LAMA2: variants seen among roughly 807,000 people sequenced by gnomAD.
LAMA2 encodes laminin subunit alpha-2.
LAMA2 carries 269 observed loss-of-function variants against 364.8 expected under a neutral mutation model. The ratio of observed to expected loss-of-function variants is 0.74; its 90% CI spans 0.67 to 0.82. The LOEUF is 0.82. LAMA2 is among the 40% of genes least tolerant of loss of function. The pLI, the probability that LAMA2 is intolerant of heterozygous loss-of-function variation, is 0.00. For missense variants in LAMA2, 3,807 were observed against 3,873.2 expected (o/e 0.98, Z 0.45); for synonymous variants, 1,379 against 1,370.6 (o/e 1.01, Z -0.14).
intron 40 of LAMA2, among the ~76,000 whole-genome samples, chr6:129,407,836 G>T (rs1288302590): frequency 6.6e-6 from 1 of 152,142 alleles, no homozygotes; most frequent in African/African-American, 2.4e-5. Context: ...ATTAAGAGAT[G>T]CCCTATGGGA....
intron 1 of LAMA2, among the ~76,000 whole-genome samples, chr6:128,967,830 T>C (rs1781938163): frequency 6.6e-6 from 1 of 152,140 alleles, no homozygotes; most frequent in South Asian, 2.1e-4. Flanking sequence ...ATTATTTCTA[T>C]TACACCTCAG....
chr6:129,016,142 A>G (rs192689968), intron 1 of LAMA2, among the ~76,000 whole-genome samples: 143 of 152,240 alleles, frequency 9.4e-4, no homozygotes, highest in African/African-American at 3.3e-3. Flanking sequence ...CAAAGTTTAT[A>G]TTATCATGCA....
chr6:129,053,535 T>A (rs1788241883), intron 2 of LAMA2, among the ~76,000 whole-genome samples: 1 of 128,824 alleles, frequency 7.8e-6, no homozygotes, highest in Non-Finnish European at 1.6e-5. Context: ...GTAAATGGAG[T>A]CAAGGCAATA....
chr6:129,182,035 G>T (rs1024861284), intron 10 of LAMA2, among the ~76,000 whole-genome samples: 1 of 151,702 alleles, frequency 6.6e-6, no homozygotes, highest in African/African-American at 2.4e-5. Flanking sequence ...AGTTTCACTA[G>T]ATTATAGTCC....
At chr6:129,116,168 A>T (rs1776470241) in intron 4 of LAMA2, among the ~76,000 whole-genome samples, 1 of 152,148 alleles carries the variant, frequency 6.6e-6, no homozygotes, top group African/African-American at 2.4e-5. Flanking sequence ...ACAGGCTATG[A>T]AGTGTGCTAG....
intron 17 of LAMA2, 39 bp from the exon 18 acceptor site, chr6:129,280,019 CCTT>C: frequency 7.8e-7 from 1 of 1,281,502 alleles, no homozygotes; most frequent in Non-Finnish European, 1.1e-6. Context: ...TTGTGTATGT[CCTT>C]CTTCCTTGTC....
intron 55 of LAMA2, among the ~76,000 whole-genome samples, 176 bp from the exon 56 acceptor site, chr6:129,486,298 G>C (rs565144054): frequency 6.6e-6 from 1 of 152,268 alleles, no homozygotes; most frequent in Admixed American, 6.5e-5. Flanking sequence ...AAGCAAAAAT[G>C]GTAAATGATT....
chr6:129,088,689 C>A (rs1232260228), intron 3 of LAMA2, among the ~76,000 whole-genome samples: 2 of 149,592 alleles, frequency 1.3e-5, no homozygotes, highest in Non-Finnish European at 3.0e-5. Flanking sequence ...GGCTGCCGGG[C>A]GGAGGGGTTC....
intron 37 of LAMA2, among the ~76,000 whole-genome samples, chr6:129,397,145 A>C (rs139883940): frequency 1.3e-5 from 2 of 152,290 alleles, no homozygotes; most frequent in Non-Finnish European, 2.9e-5. Context: ...GGAATAAATA[A>C]AGATCTAATT....
chr6:129,240,850 A>G (rs1279042045), intron 12 of LAMA2, among the ~76,000 whole-genome samples: 1 of 152,220 alleles, frequency 6.6e-6, no homozygotes, highest in Non-Finnish European at 1.5e-5. Flanking sequence ...GTAATGCCAT[A>G]GAGTTGATTT....
In LAMA2 at chr6:129,436,141, G is replaced by C. The variant is rs542428452; in HGVS notation, c.5969-2505G>C. ...TGAAAAACAGAAATATATGCACACAGAAAGCAATTTAGCCAGCACAACCGG... is the reference window on the plus strand; with the variant it reads ...TGAAAAACAGAAATATATGCACACACAAAGCAATTTAGCCAGCACAACCGG... On this transcript the variant is annotated intron_variant, in intron 41 of 64. Coordinates refer to ENST00000421865, the MANE Select transcript of LAMA2 (RefSeq NM_000426.4). 2.7e-3 allele frequency among the ~76,000 whole-genome samples: 408 copies of C among 152,278 alleles called. 3 individuals carry two copies. The highest frequency in any genetic ancestry group is 9.5e-3 in the African/African-American group (396 of 41,566).
At chr6:129,357,525 A>G (rs1210420780) in intron 32 of LAMA2, among the ~76,000 whole-genome samples, 2 of 152,058 alleles carry the variant, frequency 1.3e-5, no homozygotes, top group Non-Finnish European at 2.9e-5. Flanking sequence ...TATTTAAAAT[A>G]AAACATACAC....
intron 1 of LAMA2, among the ~76,000 whole-genome samples, chr6:128,900,962 G>A (rs1244786818): frequency 1.3e-5 from 2 of 152,202 alleles, no homozygotes; most frequent in Non-Finnish European, 2.9e-5. Context: ...GACCAGCTTA[G>A]GCAAAATAGT....
At chr6:129,225,794 G>C (rs994173405) in intron 12 of LAMA2, among the ~76,000 whole-genome samples, 1 of 152,136 alleles carries the variant, frequency 6.6e-6, no homozygotes, top group Non-Finnish European at 1.5e-5. Context: ...GTGGTGCTGA[G>C]CAGAATGTAT....
chr6:129,172,290 C>T lies in LAMA2; in HGVS notation c.1307-5416C>T, dbSNP rs577220280. On this transcript the variant is annotated intron_variant, in intron 9 of 64. Coordinates refer to ENST00000421865, the MANE Select transcript of LAMA2 (RefSeq NM_000426.4). ...TTCCAGTTTTTCTGTTCTGTTTTTT[C>T]CCCATCTTTGTGGTTTTATCTACTT... 3.0e-4 allele frequency among the ~76,000 whole-genome samples: 45 copies of T among 152,116 alleles called. 1 individual carries two copies. In the Middle Eastern group the frequency reaches 0.021, roughly 69 times the overall value.
chr6:128,964,568 A>C (rs1373483161), intron 1 of LAMA2, among the ~76,000 whole-genome samples: 1 of 152,114 alleles, frequency 6.6e-6, no homozygotes, highest in Non-Finnish European at 1.5e-5. Flanking sequence ...ACTGGAACAA[A>C]TATTAAAGAA....
chr6:128,951,020 G>C (rs1780782054), intron 1 of LAMA2, among the ~76,000 whole-genome samples: 1 of 152,088 alleles, frequency 6.6e-6, no homozygotes, highest in East Asian at 1.9e-4. Context: ...GGGTATCCAG[G>C]ATAGAGAAGG....
chr6:129,448,496 T>G (rs1782504680), intron 45 of LAMA2, among the ~76,000 whole-genome samples: 2 of 152,352 alleles, frequency 1.3e-5, no homozygotes, highest in East Asian at 3.9e-4. Flanking sequence ...TTTTCTGATT[T>G]GTAAATATGG....
At chr6:129,092,168 C>A (rs534091986) in intron 3 of LAMA2, among the ~76,000 whole-genome samples, 1 of 152,338 alleles carries the variant, frequency 6.6e-6, no homozygotes, top group East Asian at 1.9e-4. Flanking sequence ...CCTTCCTCAG[C>A]AACTCACCAC....
Sources: allele counts gnomAD v4.1 joint callset (sites outside exome capture counted in the v4.1 genomes callset), GRCh38; gene constraint gnomAD v4.1.1; transcripts MANE v1.5; gene names NCBI Gene and HGNC (gene_info 2026-07-23, HGNC 2026-07-21).